Variants in ESCO1 observed in about 807,000 individuals in gnomAD.
ESCO1 encodes establishment of sister chromatid cohesion N-acetyltransferase 1, also known as N-acetyltransferase ESCO1.
ESCO1 carries 33 observed loss-of-function variants against 83.5 expected under a neutral mutation model. The ratio of observed to expected loss-of-function variants is 0.40; its 90% confidence interval spans 0.30 to 0.53. The LOEUF is 0.53. Ranked by LOEUF, ESCO1 falls within the 20% of genes least tolerant of loss-of-function variation. The pLI is 0.63. For synonymous variants in ESCO1, 332 were observed against 324.3 expected (o/e 1.02, Z -0.25); for missense variants, 855 against 968.0 (o/e 0.88, Z 1.55).
chr18:21,585,072 C>A (rs375105906), intron 1 of ESCO1, among the ~76,000 whole-genome samples: 2 of 146,640 alleles, frequency 1.4e-5, no homozygotes, highest in African/African-American at 5.1e-5. Flanking sequence ...ACCCGGGAGG[C>A]AGAGGGTGCA....
intron 8 of ESCO1, among the ~76,000 whole-genome samples, chr18:21,553,456 A>T (rs1168950832): frequency 0.16 from 12,059 of 74,452 alleles, 1,775 homozygotes; most frequent in African/African-American, 0.51. Flanking sequence ...TATTAAAAAA[A>T]AAAAAAAAAA....
At chr18:21,566,115 C>T (rs2038256121) in intron 6 of ESCO1, 31 bp downstream of exon 6, 3 of 1,596,610 alleles carry the variant, frequency 1.9e-6, no homozygotes, top group Non-Finnish European at 8.6e-7. Context: ...AGTTAAAATC[C>T]TTAAGCTCTA....
chr18:21,574,496 T>C lies in ESCO1; in HGVS notation c.348A>G (p.Glu116=), dbSNP rs774037376. 1.2e-6 allele frequency: 2 copies of C among 1,614,016 alleles called. No individual in the cohort carries two copies. The highest frequency in any genetic ancestry group is 1.7e-6 in the Non-Finnish European group (2 of 1,180,022). The change falls in exon 4 of 12, where the codon GAA becomes GAG. Residue 116 remains glutamate, a synonymous_variant. Transcript: ENST00000269214. ...GCCTTTGTGATCTCCGGTTAAGCTG[T>C]TCATTTGCTTTAGGGTTTTCATGTA... The part of the protein sequence containing the change: ...KLVHENPKAN[E]QLNRRSQRLQ...
At chr18:21,534,705 G>A (rs1449031184) in intron 10 of ESCO1, among the ~76,000 whole-genome samples, 1 of 148,880 alleles carries the variant, frequency 6.7e-6, no homozygotes, top group African/African-American at 2.5e-5. Flanking sequence ...TTAGCTCACT[G>A]CAACCTCTGC....
chr18:21,550,137 T>C (rs903922901), intron 8 of ESCO1, among the ~76,000 whole-genome samples: 14 of 152,170 alleles, frequency 9.2e-5, no homozygotes, highest in African/African-American at 3.4e-4. Flanking sequence ...CAGAGACCAG[T>C]AGCCATTTTT....
At chr18:21,564,694 C>G (rs971930190) in intron 6 of ESCO1, among the ~76,000 whole-genome samples, 1 of 151,816 alleles carries the variant, frequency 6.6e-6, no homozygotes, top group African/African-American at 2.4e-5. Context: ...CCGCGCCCGG[C>G]AAAAATAACT....
intron 2 of ESCO1, among the ~76,000 whole-genome samples, chr18:21,576,744 G>A (rs1185051029): frequency 6.6e-6 from 1 of 151,918 alleles, no homozygotes; most frequent in Non-Finnish European, 1.5e-5. Flanking sequence ...ATGAAAATAG[G>A]ACTCAAAAGG....
intron 1 of ESCO1, among the ~76,000 whole-genome samples, chr18:21,586,815 G>A (rs2038588331): frequency 1.3e-5 from 2 of 152,266 alleles, no homozygotes; most frequent in South Asian, 4.1e-4. Flanking sequence ...GAAGTGGTAA[G>A]AGCAGGTATC....
Position 21,577,678 on chromosome 18 carries a change from A to G in ESCO1, c.-693-1901T>C, listed in dbSNP as rs930437553. Among the ~76,000 whole-genome samples the G allele has an allele frequency of 6.0e-5, 9 of 151,092 alleles. No homozygotes were observed. In the South Asian group the frequency reaches 8.3e-4, roughly 14 times the overall value. ...CCGTCTCAAAAAAAAAAAAAAAAAA[A>G]GCAGATATTCTCCCAGATTGCCATT... On this transcript the variant is annotated intron_variant, in intron 2 of 11. Coordinates refer to ENST00000269214, the MANE Select transcript of ESCO1 (RefSeq NM_052911.3).
rs1244165607 is a variant in ESCO1 at position 21,564,587 on chromosome 18, G to A, written c.1707-270C>T. On this transcript the variant is annotated intron_variant, in intron 6 of 11. Transcript: ENST00000269214. ...TTTTTTTTGTATTTTTAGTAGAGAC[G>A]GGGTTTCACCATGTTAGCCAGGATG... Among the ~76,000 whole-genome samples the A allele has an allele frequency of 4.0e-5, 6 of 151,374 alleles. No homozygotes were observed. The East Asian group carries it at 6.0e-4, about 15-fold the overall frequency.
intron 4 of ESCO1, among the ~76,000 whole-genome samples, chr18:21,570,801 C>A (rs1272532386): frequency 6.6e-6 from 1 of 151,976 alleles, no homozygotes; most frequent in Admixed American, 6.6e-5. Context: ...ACGGGTGAAA[C>A]CCCGTCTCTA....
chr18:21,577,184 ATC>A (rs2038429939), intron 2 of ESCO1, among the ~76,000 whole-genome samples: 1 of 150,974 alleles, frequency 6.6e-6, no homozygotes, highest in African/African-American at 2.4e-5. Context: ...GTGAAACCCT[ATC>A]TCTACTAAAA....
intron 5 of ESCO1, among the ~76,000 whole-genome samples, chr18:21,567,385 G>A (rs1002974385): frequency 7.9e-5 from 12 of 151,714 alleles, no homozygotes; most frequent in South Asian, 2.1e-4. Flanking sequence ...GGCTGGTCTC[G>A]AACTCCAGGC....
chr18:21,584,274 G>A (rs1456701732), intron 2 of ESCO1, 36 bp downstream of exon 2: 1 of 151,886 alleles, frequency 6.6e-6, no homozygotes, highest in African/African-American at 2.4e-5. Flanking sequence ...TAATCATCTT[G>A]GAAGATACTA....
intron 1 of ESCO1, among the ~76,000 whole-genome samples, chr18:21,597,788 A>G (rs2038787174): frequency 6.6e-6 from 1 of 152,172 alleles, no homozygotes; most frequent in Admixed American, 6.6e-5. Context: ...TAAATGTCTA[A>G]AGGAAGCTGA....
intron 1 of ESCO1, among the ~76,000 whole-genome samples, chr18:21,598,785 A>C: frequency 6.6e-6 from 1 of 152,126 alleles, no homozygotes. Context: ...TATTTTCCTC[A>C]GTTAGCAATG....
intron 8 of ESCO1, among the ~76,000 whole-genome samples, chr18:21,560,174 T>C (rs1416810080): frequency 6.6e-6 from 1 of 152,132 alleles, no homozygotes; most frequent in Non-Finnish European, 1.5e-5. Flanking sequence ...GCAATTCAAT[T>C]AAATTACTAT....
At chr18:21,584,148 T>C (rs575451403) in intron 2 of ESCO1, among the ~76,000 whole-genome samples, 162 bp downstream of exon 2, 1 of 152,320 alleles carries the variant, frequency 6.6e-6, no homozygotes, top group Non-Finnish European at 1.5e-5. Flanking sequence ...GAGAAAAGCT[T>C]ACTTTTCACT....
At chr18:21,568,195 A>C (rs1304199103) in intron 4 of ESCO1, 101 bp from the exon 5 acceptor site, 1 of 794,110 alleles carries the variant, frequency 1.3e-6, no homozygotes, top group Non-Finnish European at 2.1e-6. Context: ...CATACTTTTT[A>C]TTTGGAGCAA....
Sources: allele counts gnomAD v4.1 joint callset (sites outside exome capture counted in the v4.1 genomes callset), GRCh38; gene constraint gnomAD v4.1.1; transcripts MANE v1.5; gene names NCBI Gene and HGNC (gene_info 2026-07-23, HGNC 2026-07-21).